The following PAK3 variants were observed in gnomAD, a reference collection of about 807,000 sequenced individuals.
The protein encoded by PAK3 is p21 (RAC1) activated kinase 3.
Under a neutral mutation model 41.0 loss-of-function variants are expected in PAK3, and 4 were observed. The observed-to-expected ratio is 0.10, with a 90% confidence interval of 0.05 to 0.22. The LOEUF is 0.22. PAK3 is among the 10% of genes least tolerant of loss of function. The pLI, the probability that PAK3 is intolerant of heterozygous loss-of-function variation, is 1.00. For synonymous variants in PAK3, 146 were observed against 139.6 expected (o/e 1.05, Z -0.32); for missense variants, 205 against 409.9 (o/e 0.50, Z 4.32).
chrX:111,165,433 AG>A (rs1474757441), intron 10 of PAK3, among the ~76,000 whole-genome samples: 1 of 112,017 alleles, frequency 8.9e-6, no homozygotes, highest in African/African-American at 3.2e-5. Context: ...AATGAAAGTA[AG>A]CTTTAAAAGG....
At chrX:111,066,614 T>C (rs1287909411) in intron 1 of PAK3, among the ~76,000 whole-genome samples, 1 of 112,032 alleles carries the variant, frequency 8.9e-6, no homozygotes, top group Non-Finnish European at 1.9e-5. Context: ...GTCCAGAATT[T>C]CTTTGTTAGC....
At chrX:111,132,969 CT>C (rs892624857) in intron 5 of PAK3, among the ~76,000 whole-genome samples, 2 of 110,905 alleles carry the variant, frequency 1.8e-5, no homozygotes, top group African/African-American at 6.6e-5. Flanking sequence ...TGGGGAGGTC[CT>C]CCCCATTCCA....
intron 1 of PAK3, among the ~76,000 whole-genome samples, chrX:111,087,766 CAA>C (rs3066000): frequency 0.074 from 6,862 of 92,420 alleles, 227 homozygotes; most frequent in African/African-American, 0.097. Context: ...AAAAAAAAAA[CAA>C]AAAAAAAAAA....
At chrX:111,086,413 G>A (rs1322322618) in intron 1 of PAK3, among the ~76,000 whole-genome samples, 2 of 110,430 alleles carry the variant, frequency 1.8e-5, no homozygotes, top group Non-Finnish European at 3.8e-5. Flanking sequence ...AGTGTAGGGA[G>A]AATGGTGTTC....
intron 1 of PAK3, among the ~76,000 whole-genome samples, chrX:111,041,438 C>A (rs1010352311): frequency 9.8e-5 from 11 of 111,979 alleles, no homozygotes; most frequent in African/African-American, 3.6e-4. Context: ...CCTGTCTTTG[C>A]CACCAGGTTT....
chrX:110,976,161 A>C (rs1262764427), intron 1 of PAK3, among the ~76,000 whole-genome samples: 1 of 112,461 alleles, frequency 8.9e-6, no homozygotes, highest in Admixed American at 9.4e-5. Context: ...CTACCATTAG[A>C]GTGAACAGGC....
chrX:111,001,926 G>A (rs774520852), intron 1 of PAK3, among the ~76,000 whole-genome samples: 18 of 107,685 alleles, frequency 1.7e-4, no homozygotes, highest in Admixed American at 3.0e-4. Flanking sequence ...CCACACAAGA[G>A]TGCTTAAAAA....
At chrX:111,219,994 A>G (rs1182361088) in intron 17 of PAK3, among the ~76,000 whole-genome samples, 1 of 112,198 alleles carries the variant, frequency 8.9e-6, no homozygotes, top group Non-Finnish European at 1.9e-5. Flanking sequence ...AGCAGTTAGT[A>G]AGCCATTGGT....
At chrX:111,162,536 T>C (rs1368778223) in intron 8 of PAK3, among the ~76,000 whole-genome samples, 2 of 112,148 alleles carry the variant, frequency 1.8e-5, no homozygotes, top group African/African-American at 6.5e-5. Flanking sequence ...TGTCAATCAA[T>C]AAATTGATAA....
chrX:110,991,965 A>T (rs775860202), intron 1 of PAK3, among the ~76,000 whole-genome samples: 1 of 111,769 alleles, frequency 8.9e-6, no homozygotes, highest in East Asian at 2.8e-4. Context: ...CAAAATAATA[A>T]ATATAAAATA....
intron 11 of PAK3, among the ~76,000 whole-genome samples, chrX:111,187,966 T>TATAC (rs2149302474): frequency 9.3e-6 from 1 of 107,027 alleles, no homozygotes; most frequent in South Asian, 4.2e-4. Flanking sequence ...TATATATATA[T>TATAC]ATATACACAC....
intron 8 of PAK3, among the ~76,000 whole-genome samples, chrX:111,154,154 CAGTTGTTTAATGGGT>C (rs918393548): frequency 4.5e-5 from 5 of 110,990 alleles, no homozygotes; most frequent in African/African-American, 1.6e-4. Context: ...GGGGAGTGGG[CAGTTGTTTAATGGGT>C]ACAGAGTTTC....
At chrX:111,076,690 T>C (rs1393746170) in intron 1 of PAK3, among the ~76,000 whole-genome samples, 3 of 111,989 alleles carry the variant, frequency 2.7e-5, no homozygotes, top group Non-Finnish European at 5.6e-5. Flanking sequence ...ATGAAGGTCA[T>C]GTATGACAAA....
intron 1 of PAK3, among the ~76,000 whole-genome samples, chrX:110,957,076 A>G (rs759544303): frequency 5.4e-5 from 6 of 111,697 alleles, no homozygotes; most frequent in African/African-American, 9.8e-5. Flanking sequence ...GGATTCCCCA[A>G]TGTTTCTGCC....
chrX:111,106,438 T>C (rs1206456985), intron 4 of PAK3, among the ~76,000 whole-genome samples: 2 of 111,519 alleles, frequency 1.8e-5, no homozygotes, highest in Non-Finnish European at 3.8e-5. Context: ...ACACTTACAC[T>C]GACACACCTG....
At chrX:111,038,639 C>G (rs1416520084) in intron 1 of PAK3, among the ~76,000 whole-genome samples, 1 of 111,959 alleles carries the variant, frequency 8.9e-6, no homozygotes, top group African/African-American at 3.2e-5. Context: ...AGGTCAGAAT[C>G]CTGACTCTGT....
chrX:110,970,239 G>A (rs780653287), intron 1 of PAK3, among the ~76,000 whole-genome samples: 2 of 111,457 alleles, frequency 1.8e-5, no homozygotes, highest in South Asian at 3.8e-4. Flanking sequence ...CTTCACCCAC[G>A]TTTTGATGGG....
chrX:110,974,577 AG>A (rs1283930440), intron 1 of PAK3, among the ~76,000 whole-genome samples: 2 of 112,130 alleles, frequency 1.8e-5, no homozygotes, highest in Non-Finnish European at 3.8e-5. Flanking sequence ...TCCAATGAAT[AG>A]AAAAAGAGAG....
intron 3 of PAK3, among the ~76,000 whole-genome samples, chrX:111,101,122 A>C (rs2093127497): frequency 8.9e-6 from 1 of 112,320 alleles, no homozygotes; most frequent in African/African-American, 3.2e-5. Flanking sequence ...TGATATTAAC[A>C]GGACACTGTA....
Sources: gnomAD v4.1 joint callset for allele counts (sites outside exome capture counted in the v4.1 genomes callset) on GRCh38, gnomAD v4.1.1 for gene constraint, MANE v1.5 for transcripts, NCBI Gene and HGNC (gene_info 2026-07-23, HGNC 2026-07-21) for gene names.